Variants in DST observed in about 807,000 individuals in gnomAD.
The protein encoded by DST is dystonin.
A neutral mutation model predicts 875.2 loss-of-function variants in DST; 253 were observed. The observed-to-expected ratio is 0.29, with a 90% CI of 0.26 to 0.32. The LOEUF (loss-of-function observed/expected upper bound fraction) is 0.32. Ranked by LOEUF, DST falls within the 10% of genes least tolerant of loss-of-function variation. The pLI is 1.00. For synonymous variants in DST, 3,124 were observed against 3,197.1 expected (o/e 0.98, Z 0.77); for missense variants, 8,287 against 9,111.6 (o/e 0.91, Z 3.68).
chr6:56,491,177 C>T (rs1582988289), intron 85 of DST, among the ~76,000 whole-genome samples: 2 of 152,166 alleles, frequency 1.3e-5, no homozygotes, highest in Admixed American at 1.3e-4. Context: ...AAAATGGGGT[C>T]TATGGTGTGT....
chr6:56,580,651 C>A (rs530129240), intron 49 of DST, among the ~76,000 whole-genome samples: 2 of 149,804 alleles, frequency 1.3e-5, no homozygotes, highest in Admixed American at 1.3e-4. Flanking sequence ...AGGGCAGGAA[C>A]AAAGGACAAG....
chr6:56,699,720 T>A lies in DST; in HGVS notation c.980A>T (p.Asp327Val). 1 of 1,514,870 alleles carries A rather than the reference T, an allele frequency of 6.6e-7. No individual in the cohort carries two copies. The highest frequency in any genetic ancestry group is 1.3e-5 in the South Asian group (1 of 77,844). 93.8% of individuals were successfully genotyped at this position (1,514,870 alleles called of 1,614,324 possible). The stretch of plus-strand genomic sequence containing the variant: ...TTTGGGATTTCCATCTGTTATGTCA[T>A]CATTTCTAATATTCACTAATTTCAC... ...RQVKLVNIRN[D>V]DITDGNPKLT... The change falls in exon 9 of 104, where the codon GAT (aspartate) becomes GTT (valine). Residue 327 changes from aspartate (D) to valine (V), a missense_variant. By Grantham distance (152) the Asp-to-Val change is radical. Transcript: ENST00000680361.
In DST at chr6:56,508,763, G is replaced by A. The variant is rs2096400168; in HGVS notation, c.19013-8C>T. 1 of 1,601,670 alleles carries A rather than the reference G, an allele frequency of 6.2e-7. No individual in the cohort carries two copies. The highest frequency in any genetic ancestry group is 8.5e-7 in the Non-Finnish European group (1 of 1,171,140). ...CAAGCTTATCCTGAACAGCTATGAA[G>A]CAAAACAATATCCACAAGGCGACTG... On this transcript the variant is annotated splice_region_variant and splice_polypyrimidine_tract_variant and intron_variant, in intron 74 of 103. Coordinates refer to ENST00000680361, the MANE Select transcript of DST (RefSeq NM_001374736.1).
chr6:56,572,355 G>T, intron 52 of DST, 89 bp from the exon 53 acceptor site: 1 of 819,522 alleles, frequency 1.2e-6, no homozygotes, highest in Non-Finnish European at 1.8e-6. Context: ...GATCAGAATG[G>T]CTCTATTCAT....
chr6:56,694,216 T>TAAAAA (rs10660963), intron 9 of DST, among the ~76,000 whole-genome samples: 13,829 of 138,186 alleles, frequency 0.1, 880 homozygotes, highest in Non-Finnish European at 0.15. Context: ...ATAGATATGG[T>TAAAAA]AAAAAAAAAA....
chr6:56,945,665 G>A (rs1328530346), intron 2 of DST: 1 of 152,140 alleles, frequency 6.6e-6, no homozygotes, highest in African/African-American at 2.4e-5. Flanking sequence ...TGAGTATGGT[G>A]AGATCCCACA....
intron 90 of DST, 141 bp from the exon 91 acceptor site, chr6:56,477,629 T>C (rs1347518833): frequency 2.7e-6 from 3 of 1,097,248 alleles, no homozygotes; most frequent in Non-Finnish European, 2.7e-6. Context: ...ATCTACTAAT[T>C]GGGGAGGAAA....
chr6:56,539,645 G>A (rs4236142), intron 61 of DST, among the ~76,000 whole-genome samples: 102,876 of 151,998 alleles, frequency 0.68, 35,163 homozygotes, highest in East Asian at 0.8. Flanking sequence ...AATCTGAGTG[G>A]GAAGAAAAAA....
chr6:56,486,411 C>T (rs1486538088), intron 87 of DST, among the ~76,000 whole-genome samples: 2 of 117,542 alleles, frequency 1.7e-5, no homozygotes, highest in Non-Finnish European at 3.8e-5. Context: ...ACTAACATGA[C>T]AAAAACTTAC....
intron 4 of DST, among the ~76,000 whole-genome samples, chr6:56,800,856 A>C (rs1590738008): frequency 6.6e-6 from 1 of 151,722 alleles, no homozygotes; most frequent in Non-Finnish European, 1.5e-5. Flanking sequence ...CCATCTCTCC[A>C]AAAAATACAA....
chr6:56,593,454 T>C (rs1408330607), intron 48 of DST, among the ~76,000 whole-genome samples: 1 of 142,832 alleles, frequency 7.0e-6, no homozygotes, highest in Non-Finnish European at 1.5e-5. Context: ...GAGGCAGAGG[T>C]TGCAGTGAGC....
At chr6:56,614,712 G>C in intron 36 of DST, 1 of 1,144,002 alleles carries the variant, frequency 8.7e-7, no homozygotes, top group Non-Finnish European at 1.1e-6. Flanking sequence ...TTAATGATTG[G>C]TCTAACCTCC....
chr6:56,854,020 T>A, intron 3 of DST, among the ~76,000 whole-genome samples: 1 of 152,130 alleles, frequency 6.6e-6, no homozygotes, highest in Non-Finnish European at 1.5e-5. Flanking sequence ...AAGTATCGGA[T>A]TTTTTCCCAC....
intron 53 of DST, among the ~76,000 whole-genome samples, chr6:56,571,473 T>C (rs77357969): frequency 6.6e-6 from 1 of 152,286 alleles, no homozygotes; most frequent in Non-Finnish European, 1.5e-5. Context: ...AGAAATGACT[T>C]TTCTATGTTC....
intron 64 of DST, 90 bp downstream of exon 64, chr6:56,532,254 G>GT: frequency 8.5e-7 from 1 of 1,176,242 alleles, no homozygotes; most frequent in Non-Finnish European, 1.2e-6. Context: ...GGAAAATCAT[G>GT]ATTTGAAGTA....
intron 2 of DST, among the ~76,000 whole-genome samples, chr6:56,949,650 A>C (rs1164063162): frequency 6.6e-6 from 1 of 152,254 alleles, no homozygotes; most frequent in Admixed American, 6.5e-5. Flanking sequence ...ACACTCAGTG[A>C]ATACTACATC....
chr6:56,831,448 C>T (rs1440996812), intron 4 of DST, among the ~76,000 whole-genome samples: 1 of 152,164 alleles, frequency 6.6e-6, no homozygotes, highest in Non-Finnish European at 1.5e-5. Flanking sequence ...TCTGCACCAT[C>T]CACCCACACA....
chr6:56,635,843 C>T (rs2098819213), intron 23 of DST, 129 bp from the exon 24 acceptor site: 1 of 941,516 alleles, frequency 1.1e-6, no homozygotes, highest in Non-Finnish European at 1.7e-6. Flanking sequence ...CACAAGATAG[C>T]TTAATAGTCA....
intron 4 of DST, chr6:56,843,124 CA>C (rs773951417): frequency 3.2e-6 from 5 of 1,571,062 alleles, no homozygotes; most frequent in Non-Finnish European, 4.3e-6. Flanking sequence ...AGGTAAGCAG[CA>C]GGGGAGAGGT....
Sources: gnomAD v4.1 joint callset for allele counts (sites outside exome capture counted in the v4.1 genomes callset) on GRCh38, gnomAD v4.1.1 for gene constraint, MANE v1.5 for transcripts, NCBI Gene and HGNC (gene_info 2026-07-23, HGNC 2026-07-21) for gene names.